The following TNKS variants were observed in gnomAD, a reference collection of about 807,000 sequenced individuals.
TNKS encodes tankyrase, also known as poly [ADP-ribose] polymerase tankyrase-1.
In TNKS, 72 loss-of-function variants were observed where a neutral mutation model predicts 135.8. That is an observed-to-expected ratio of 0.53 (90% CI 0.44 to 0.64). The LOEUF is 0.64. Among genes scored for constraint, TNKS ranks in the 30% least tolerant of loss-of-function variants. TNKS has a pLI of 0.00. For missense variants in TNKS, 1,769 were observed against 1,674.0 expected, an observed-to-expected ratio of 1.06 and a Z score of -0.99; for synonymous variants, 849 against 649.3, an observed-to-expected ratio of 1.31 and a Z score of -4.68.
chr8:9,747,935 T>A (rs1806318650), intron 17 of TNKS, 89 bp from the exon 18 acceptor site: 4 of 1,240,966 alleles, frequency 3.2e-6, no homozygotes, highest in Non-Finnish European at 1.1e-6. Context: ...TACAGAGGAG[T>A]GAATTGTTAA....
intron 2 of TNKS, among the ~76,000 whole-genome samples, chr8:9,581,517 C>T (rs939047808): frequency 1.3e-5 from 2 of 152,150 alleles, no homozygotes; most frequent in African/African-American, 4.8e-5. Context: ...CTTATAACAT[C>T]CTCTCTCTGA....
At chr8:9,750,550 C>G (rs1316658285) in intron 18 of TNKS, among the ~76,000 whole-genome samples, 1 of 152,112 alleles carries the variant, frequency 6.6e-6, no homozygotes, top group Non-Finnish European at 1.5e-5. Flanking sequence ...AGCATTAGTC[C>G]CCTTTCTCTC....
At chr8:9,601,621 T>G (rs536007530) in intron 2 of TNKS, among the ~76,000 whole-genome samples, 21 of 152,270 alleles carry the variant, frequency 1.4e-4, no homozygotes, top group African/African-American at 4.3e-4. Context: ...ATTTTTGCCT[T>G]TGCGTTCAAT....
intron 13 of TNKS, among the ~76,000 whole-genome samples, chr8:9,729,246 C>T (rs796777831): frequency 9.2e-5 from 14 of 152,318 alleles, no homozygotes; most frequent in African/African-American, 3.4e-4. Context: ...AACACTATTG[C>T]ATTGGAGATT....
intron 2 of TNKS, among the ~76,000 whole-genome samples, chr8:9,607,979 A>G (rs539463217): frequency 6.6e-5 from 10 of 150,388 alleles, no homozygotes; most frequent in African/African-American, 2.2e-4. Flanking sequence ...TCACATTGTC[A>G]TTCAAGTTGG....
chr8:9,616,680 C>T lies in TNKS; in HGVS notation c.994+1003C>T, dbSNP rs749477081. Among the ~76,000 whole-genome samples, 31 of 152,158 alleles carry T rather than the reference C, an allele frequency of 2.0e-4. 1 individual carries two copies. The highest frequency in any genetic ancestry group is 4.8e-5 in the African/African-American group (2 of 41,432). On this transcript the variant is annotated intron_variant, in intron 3 of 26. Coordinates refer to ENST00000310430, the MANE Select transcript of TNKS (RefSeq NM_003747.3). ...TTAATTACTCTGCATAGAAAAACAA[C>T]TTTGCACTGTGCTAAAATCAATATA...
chr8:9,765,327 C>T (rs1357779189), intron 23 of TNKS, among the ~76,000 whole-genome samples: 1 of 152,056 alleles, frequency 6.6e-6, no homozygotes, highest in Non-Finnish European at 1.5e-5. Context: ...TACTGGTACA[C>T]ATCAGAATAA....
At chr8:9,600,937 G>C (rs1403921610) in intron 2 of TNKS, among the ~76,000 whole-genome samples, 6 of 152,154 alleles carry the variant, frequency 3.9e-5, no homozygotes, top group Admixed American at 1.3e-4. Context: ...ATCCATTGCT[G>C]TTACCATATT....
intron 3 of TNKS, among the ~76,000 whole-genome samples, chr8:9,631,767 T>C (rs1800298341): frequency 6.6e-6 from 1 of 152,110 alleles, no homozygotes; most frequent in South Asian, 2.1e-4. Flanking sequence ...GGTTGATTTT[T>C]TTTTTTTTTC....
intron 1 of TNKS, among the ~76,000 whole-genome samples, chr8:9,568,142 G>A (rs1797619895): frequency 6.6e-6 from 1 of 152,144 alleles, no homozygotes; most frequent in African/African-American, 2.4e-5. Context: ...CTGTCAGTAT[G>A]AAGCTCAGCA....
chr8:9,565,131 C>A (rs147067370), intron 1 of TNKS, among the ~76,000 whole-genome samples: 1 of 152,104 alleles, frequency 6.6e-6, no homozygotes, highest in Non-Finnish European at 1.5e-5. Context: ...TTCACCAGAG[C>A]GAGTTACTGA....
Position 9,580,376 on chromosome 8 carries a change from G to C in TNKS, c.891G>C (p.Val297=), listed in dbSNP as rs1179356725. ...HEAAIKGKID[V]CIVLLQHGAD... ...CTGCTATTAAAGGGAAGATCGATGT[G>C]TGCATTGGTAAGTATCATTTGATGA... Residue 297 remains valine (V), a synonymous_variant, in exon 2 of 27, where the codon GTG becomes GTC. Transcript: ENST00000310430. The C allele has an allele frequency of 1.2e-6, 2 of 1,613,522 alleles. No homozygotes were observed. The highest frequency in any genetic ancestry group is 2.7e-5 in the African/African-American group (2 of 74,892).
chr8:9,604,544 G>A (rs1474682439), intron 2 of TNKS, among the ~76,000 whole-genome samples: 9 of 151,902 alleles, frequency 5.9e-5, no homozygotes, highest in Admixed American at 5.9e-4. Flanking sequence ...TTTCTTCAGT[G>A]TAGTTTATGT....
intron 26 of TNKS, among the ~76,000 whole-genome samples, chr8:9,773,650 T>A (rs921952976): frequency 2.0e-5 from 3 of 152,174 alleles, no homozygotes; most frequent in Admixed American, 6.5e-5. Context: ...CCAGGTAAAA[T>A]TTGACTTGAT....
At chr8:9,745,426 G>C (rs940615090) in intron 17 of TNKS, among the ~76,000 whole-genome samples, 1 of 151,882 alleles carries the variant, frequency 6.6e-6, no homozygotes, top group Admixed American at 6.6e-5. Context: ...TTTGTTTTGA[G>C]ATGGAATCTC....
chr8:9,762,622 G>T (rs1385521711), intron 21 of TNKS, among the ~76,000 whole-genome samples: 1 of 152,124 alleles, frequency 6.6e-6, no homozygotes, highest in Non-Finnish European at 1.5e-5. Context: ...ATAAAATTGG[G>T]CTGGGCGCAG....
At chr8:9,714,735 T>TCG (rs1804519565) in intron 11 of TNKS, among the ~76,000 whole-genome samples, 2 of 152,122 alleles carry the variant, frequency 1.3e-5, no homozygotes, top group Non-Finnish European at 2.9e-5. Flanking sequence ...AATTGGGTGT[T>TCG]AGAGTGGACT....
chr8:9,627,274 A>G (rs1220136512), intron 3 of TNKS, among the ~76,000 whole-genome samples: 1 of 152,248 alleles, frequency 6.6e-6, no homozygotes, highest in African/African-American at 2.4e-5. Flanking sequence ...CTTTATAATA[A>G]ACCAGTAAAT....
intron 5 of TNKS, among the ~76,000 whole-genome samples, chr8:9,704,393 A>G (rs924299862): frequency 3.9e-5 from 6 of 152,168 alleles, no homozygotes; most frequent in Non-Finnish European, 5.9e-5. Flanking sequence ...TTGGAAAGAA[A>G]TAGGAAATCA....
Sources: gnomAD v4.1 joint callset for allele counts (sites outside exome capture counted in the v4.1 genomes callset) on GRCh38, gnomAD v4.1.1 for gene constraint, MANE v1.5 for transcripts, NCBI Gene and HGNC (gene_info 2026-07-23, HGNC 2026-07-21) for gene names.